EXOC4: variants seen among roughly 807,000 people sequenced by gnomAD.
EXOC4 encodes SEC8-like 1.
A neutral mutation model predicts 107.2 loss-of-function variants in EXOC4; 71 were observed. The observed-to-expected ratio is 0.66, with a 90% CI of 0.55 to 0.81. The LOEUF is 0.81. Among genes scored for constraint, EXOC4 ranks in the 30% least tolerant of loss-of-function variants. The pLI is 0.00. For synonymous variants in EXOC4, 456 were observed against 441.2 expected, an observed-to-expected ratio of 1.03 and a Z score of -0.42; for missense variants, 1,108 against 1,189.6, an observed-to-expected ratio of 0.93 and a Z score of 1.01.
chr7:133,778,799 G>A (rs1163289471), intron 10 of EXOC4, among the ~76,000 whole-genome samples: 1 of 152,128 alleles, frequency 6.6e-6, no homozygotes, highest in East Asian at 1.9e-4. Flanking sequence ...TCTCTGTTAT[G>A]TCATTTTTTT....
At chr7:133,580,500 C>T (rs866768651) in intron 9 of EXOC4, among the ~76,000 whole-genome samples, 8 of 152,134 alleles carry the variant, frequency 5.3e-5, no homozygotes, top group South Asian at 2.1e-4. Flanking sequence ...ACCTCGCCAA[C>T]GCTCCTACAT....
chr7:133,637,874 CAACT>C (rs1802751052), intron 10 of EXOC4, among the ~76,000 whole-genome samples: 1 of 152,102 alleles, frequency 6.6e-6, no homozygotes, highest in Non-Finnish European at 1.5e-5. Context: ...ACACCGATTG[CAACT>C]AACTGGGCGG....
intron 14 of EXOC4, 31 bp downstream of exon 14, chr7:133,938,100 AC>A (rs781350178): frequency 6.2e-7 from 1 of 1,609,776 alleles, no homozygotes; most frequent in Non-Finnish European, 8.5e-7. Flanking sequence ...TGTTGTGGGG[AC>A]AGTTGAGGAA....
intron 14 of EXOC4, among the ~76,000 whole-genome samples, chr7:133,960,068 G>A (rs984508892): frequency 5.3e-5 from 8 of 152,156 alleles, no homozygotes; most frequent in African/African-American, 1.9e-4. Flanking sequence ...GACAGGATAT[G>A]CCAAGATAAC....
At chr7:133,271,871 A>G (rs1166809551) in intron 1 of EXOC4, among the ~76,000 whole-genome samples, 1 of 151,870 alleles carries the variant, frequency 6.6e-6, no homozygotes, top group Non-Finnish European at 1.5e-5. Context: ...CTCAGCCTTC[A>G]CCATTCTTGA....
intron 8 of EXOC4, 95 bp downstream of exon 8, chr7:133,475,568 T>G: frequency 6.2e-6 from 7 of 1,137,448 alleles, no homozygotes; most frequent in Non-Finnish European, 8.9e-6. Flanking sequence ...TTGTCTAGCT[T>G]AAGTTGATTG....
At chr7:133,782,109 T>C (rs1796480540) in intron 10 of EXOC4, among the ~76,000 whole-genome samples, 1 of 152,216 alleles carries the variant, frequency 6.6e-6, no homozygotes, top group Admixed American at 6.5e-5. Context: ...TGTCTGCAAC[T>C]AGTATCTTTG....
At chr7:133,987,218 T>G (rs1794135281) in intron 14 of EXOC4, among the ~76,000 whole-genome samples, 2 of 152,100 alleles carry the variant, frequency 1.3e-5, no homozygotes, top group South Asian at 4.1e-4. Context: ...CCCAGCACTT[T>G]GGGAAGCTGA....
intron 7 of EXOC4, among the ~76,000 whole-genome samples, chr7:133,430,591 C>T (rs898602774): frequency 6.6e-6 from 1 of 152,068 alleles, no homozygotes; most frequent in Non-Finnish European, 1.5e-5. Context: ...GTATGCAAGT[C>T]TTTCTGTGAA....
intron 14 of EXOC4, among the ~76,000 whole-genome samples, chr7:133,984,390 C>T (rs1380256036): frequency 1.3e-5 from 2 of 152,184 alleles, no homozygotes; most frequent in Non-Finnish European, 2.9e-5. Context: ...TGGAACAATT[C>T]TTCCATTTCA....
At chr7:133,341,759 G>C (rs1198485571) in intron 5 of EXOC4, among the ~76,000 whole-genome samples, 1 of 152,076 alleles carries the variant, frequency 6.6e-6, no homozygotes, top group East Asian at 1.9e-4. Flanking sequence ...TTTCCTGTTG[G>C]ATTAGTCCTT....
chr7:133,558,284 C>G (rs2150948475), intron 9 of EXOC4, among the ~76,000 whole-genome samples: 1 of 125,136 alleles, frequency 8.0e-6, no homozygotes, highest in Admixed American at 8.2e-5. Flanking sequence ...GCCCTGTAAT[C>G]TGTTATAAAT....
intron 10 of EXOC4, among the ~76,000 whole-genome samples, chr7:133,694,620 GTTC>G (rs775153001): frequency 2.0e-5 from 3 of 151,970 alleles, no homozygotes; most frequent in African/African-American, 7.3e-5. Context: ...TATTTTGGGC[GTTC>G]TTCTGAAATT....
intron 9 of EXOC4, among the ~76,000 whole-genome samples, chr7:133,547,919 G>A (rs1389575186): frequency 6.6e-6 from 1 of 152,048 alleles, no homozygotes; most frequent in Admixed American, 6.6e-5. Context: ...AGAAATGTTT[G>A]TAATGGCATC....
intron 9 of EXOC4, among the ~76,000 whole-genome samples, chr7:133,494,627 G>A (rs1244600143): frequency 1.3e-5 from 2 of 152,158 alleles, no homozygotes; most frequent in Admixed American, 6.5e-5. Flanking sequence ...TCTTTAACAT[G>A]TAAATTGAGT....
At chr7:134,094,668 A>T in the EXOC4 span, among the ~76,000 whole-genome samples, 1 of 151,710 alleles carries the variant, frequency 6.6e-6, no homozygotes, top group Non-Finnish European at 1.5e-5. Flanking sequence ...AAATCCTCAA[A>T]CGCCAATCAT....
At position 133,726,935 on chromosome 7, in the gene EXOC4, G is replaced by A. The variant is rs561815139; in HGVS notation, c.1515-90390G>A. On this transcript the variant is annotated intron_variant, in intron 10 of 17. Coordinates refer to ENST00000253861, the MANE Select transcript of EXOC4 (RefSeq NM_021807.4). ...TTTCAAATACTAGTTTTTTATTTAC[G>A]AACCTGTGACTTTCCTAAGTAACCT... 2.6e-5 allele frequency among the ~76,000 whole-genome samples: 4 copies of A among 152,196 alleles called. No individual in the cohort carries two copies. The East Asian group carries it at 5.8e-4, about 22-fold the overall frequency.
chr7:133,479,823 C>T (rs1799110027), intron 8 of EXOC4: 4 of 523,054 alleles, frequency 7.6e-6, no homozygotes, highest in African/African-American at 7.6e-5. Context: ...GCAGAATAAG[C>T]AAAAGATCCA....
intron 9 of EXOC4, among the ~76,000 whole-genome samples, chr7:133,575,664 G>A (rs762880964): frequency 6.6e-6 from 1 of 152,162 alleles, no homozygotes; most frequent in Non-Finnish European, 1.5e-5. Context: ...ATTGTAATAA[G>A]CACAGCAAAG....
Sources: allele counts gnomAD v4.1 joint callset (sites outside exome capture counted in the v4.1 genomes callset), GRCh38; gene constraint gnomAD v4.1.1; transcripts MANE v1.5; gene names NCBI Gene and HGNC (gene_info 2026-07-23, HGNC 2026-07-21).